Variants in DCHS1 observed in about 807,000 individuals in gnomAD.
DCHS1 encodes protocadherin-16.
DCHS1 carries 78 observed loss-of-function variants against 213.9 expected under a neutral mutation model. The observed-to-expected ratio is 0.36, with a 90% CI of 0.30 to 0.44. The LOEUF (loss-of-function observed/expected upper bound fraction) is 0.44. Among genes scored for constraint, DCHS1 ranks in the 20% least tolerant of loss-of-function variants. The pLI is 1.00. For synonymous variants in DCHS1, 1,828 were observed against 1,873.7 expected (o/e 0.98, Z 0.63); for missense variants, 3,946 against 4,395.9 (o/e 0.90, Z 2.89).
At chr11:6,644,596 C>T (rs1856128916) in intron 1 of DCHS1, among the ~76,000 whole-genome samples, 1 of 152,238 alleles carries the variant, frequency 6.6e-6, no homozygotes, top group Non-Finnish European at 1.5e-5. Flanking sequence ...CTGCCCTCTG[C>T]ACTGGATTGG....
In DCHS1 at chr11:6,626,041, C is replaced by T. The variant is rs1362640177; in HGVS notation, c.6610G>A (p.Gly2204Arg). ...GCAGCCAGACTGTAGGAAATCTGTCCTCCAGAGCCTTGATCCAGGTCATCC... is the reference window on the plus strand; with the variant it reads ...GCAGCCAGACTGTAGGAAATCTGTCTTCCAGAGCCTTGATCCAGGTCATCC... The part of the protein sequence containing the change: ...EADDLDQGSG[G>R]QISYSLAASQ... Residue 2204 changes from glycine (G) to arginine (R), a missense_variant, in exon 17 of 21, where the codon GGA becomes AGA. Gly to Arg is a moderately radical substitution (Grantham distance 125). This residue lies in a region of DCHS1 where 3,384 missense variants were observed against 3,780.1 expected (regional missense o/e 0.90). Transcript: ENST00000299441. This position sits in a 1 kb window ranked among gnomAD's most constrained non-coding sequence, Gnocchi z 5.2. 6.2e-7 allele frequency: 1 copy of T among 1,611,786 alleles called. No homozygotes were observed. The highest frequency in any genetic ancestry group is 1.7e-5 in the Admixed American group (1 of 59,736).
rs540097996 is a variant in DCHS1, at chr11:6,650,641, G to C, written c.-121+4922C>G. Among the ~76,000 whole-genome samples, 39 of 152,310 alleles carry C rather than the reference G, an allele frequency of 2.6e-4. 1 individual carries two copies. The highest frequency in any genetic ancestry group is 9.4e-4 in the African/African-American group (39 of 41,558). On this transcript the variant is annotated intron_variant, in intron 1 of 20. Coordinates refer to ENST00000299441, the MANE Select transcript of DCHS1 (RefSeq NM_003737.4). ...AGGAGTTGGAGGGCTCAGGGTGGGT[G>C]AGTCCGTGGGCTAAGAGGGCATTAA...
Position 6,626,928 on chromosome 11 carries a change from G to A in DCHS1, c.6111C>T (p.Phe2037=). 6.2e-7 allele frequency: 1 copy of A among 1,613,730 alleles called. No individual in the cohort carries two copies. The part of the protein sequence containing the change: ...VALGPRDRVL[F]IVATDLGRPA... Reference sequence around the variant, plus strand: ...GACGGCCAAGATCAGTGGCCACAATGAAGAGGACACGATCTCGGGGGCCTA... The same window carrying A: ...GACGGCCAAGATCAGTGGCCACAATAAAGAGGACACGATCTCGGGGGCCTA... The change falls in exon 14 of 21, where the codon TTC becomes TTT. Residue 2037 remains phenylalanine, a synonymous_variant. Transcript: ENST00000299441. This position sits in a 1 kb window ranked among gnomAD's most constrained non-coding sequence, Gnocchi z 5.2.
In DCHS1 at chr11:6,634,005, T is replaced by C. The variant is rs776678365; in HGVS notation, c.2002A>G (p.Met668Val). ...GACAGAAACACCTTCACATATACCA[T>C]GGACTTGAGGCCTCCCTGGTGGGAC... The part of the protein sequence containing the change: ...TAVDGGGLKS[M>V]VYVKVFLSDE... Residue 668 changes from methionine (M) to valine (V), a missense_variant, in exon 4 of 21, where the codon ATG becomes GTG. Physicochemically the swap from Met to Val is conservative, Grantham distance 21. Transcript: ENST00000299441. 3.7e-5 allele frequency: 60 copies of C among 1,613,810 alleles called. No homozygotes were observed. The highest frequency in any genetic ancestry group is 4.7e-5 in the Non-Finnish European group (56 of 1,179,844).
Position 6,630,658 on chromosome 11 carries a change from A to C in DCHS1, c.4136T>G (p.Phe1379Cys), listed in dbSNP as rs1432765793. Residue 1379 changes from phenylalanine to cysteine, a missense_variant, in exon 10 of 21, where the codon TTC becomes TGC. By Grantham distance (205) the Phe-to-Cys change is radical. Around this residue, in one of 3 missense-constraint regions of DCHS1, gnomAD observed 3,384 missense variants for 3,780.1 expected, o/e 0.90. Coordinates refer to ENST00000299441, the MANE Select transcript of DCHS1 (RefSeq NM_003737.4). The stretch of plus-strand genomic sequence containing the variant: ...GCGCCCTGAGGCCGCATCCAGCGCG[A>C]AGGTGCCCTCGGGATCGGCACCGCC... ...LVGGADPEGT[F>C]ALDAASGRLY... The C allele has an allele frequency of 2.4e-5, 37 of 1,537,422 alleles. No homozygotes were observed. The highest frequency in any genetic ancestry group is 3.1e-5 in the Non-Finnish European group (36 of 1,144,868).
In DCHS1 at chr11:6,624,347, G is replaced by T. The variant is rs139345379; in HGVS notation, c.7329C>A (p.Asp2443Glu). Residue 2443 changes from aspartate to glutamate, a missense_variant, in exon 21 of 21, where the codon GAC (aspartate) becomes GAA (glutamate). Asp to Glu is a conservative substitution (Grantham distance 45). Transcript: ENST00000299441. ...GCACCACATCCACTGCTCCTGACCC[G>T]TCATGGCCCAAGGCCACTGTTCCCA... ...TIVGTVALGHDGSGAVDVVLE... is the reference protein window; with the variant it reads ...TIVGTVALGHEGSGAVDVVLE... The T allele has an allele frequency of 1.1e-5, 18 of 1,578,848 alleles. No individual in the cohort carries two copies. Among genetic ancestry groups the T allele is most frequent in the Non-Finnish European group, 1.5e-5 (18 of 1,162,716 alleles).
At position 6,631,159 on chromosome 11, in the gene DCHS1, G is replaced by A. The variant is rs1471048137; in HGVS notation, c.3824C>T (p.Thr1275Ile). Residue 1275 changes from threonine (T) to isoleucine (I), a missense_variant, in exon 9 of 21, where the codon ACT (threonine) becomes ATT (isoleucine). This residue lies in a region of DCHS1 where 3,384 missense variants were observed against 3,780.1 expected (regional missense o/e 0.90). Transcript: ENST00000299441. The part of the protein sequence containing the change: ...SLHPHSGELL[T>I]AAPLIRAERP... ...CTCTGCTCGGATCAGGGGAGCTGCA[G>A]TGAGCAGCTCCCCTGAGTGAGGGTG... 2 of 1,612,278 alleles carry A rather than the reference G, an allele frequency of 1.2e-6. No individual in the cohort carries two copies. The highest frequency in any genetic ancestry group is 1.7e-6 in the Non-Finnish European group (2 of 1,178,754).
intron 10 of DCHS1, 32 bp from the exon 11 acceptor site, chr11:6,629,943 C>A: frequency 6.2e-7 from 1 of 1,604,910 alleles, no homozygotes; most frequent in Non-Finnish European, 8.5e-7. Flanking sequence ...TTGGTGGGGA[C>A]CCCAACACTC....
chr11:6,629,372 AG>A (rs1451361320), intron 12 of DCHS1, 79 bp downstream of exon 12: 2 of 1,534,988 alleles, frequency 1.3e-6, no homozygotes, highest in African/African-American at 2.8e-5. Flanking sequence ...TCTAAAAGGT[AG>A]TACTTTGGGT....
chr11:6,627,142 C>T lies in DCHS1; in HGVS notation c.5897G>A (p.Arg1966His), dbSNP rs765681020. 14 of 1,612,284 alleles carry T rather than the reference C, an allele frequency of 8.7e-6. No homozygotes were observed. Among genetic ancestry groups the T allele is most frequent in the East Asian group, 2.2e-5 (1 of 44,840 alleles). Reference sequence around the variant, plus strand: ...GGGGCCTGGGCGGGGCAGACGTAGGCGCAGAGGACTGGTGGGGAAGGTGGG... The same window carrying T: ...GGGGCCTGGGCGGGGCAGACGTAGGTGCAGAGGACTGGTGGGGAAGGTGGG... ...HAPTFPTSPL[R>H]LRLPRPGPSF... Residue 1966 changes from arginine to histidine, a missense_variant, in exon 14 of 21, where the codon CGC (arginine) becomes CAC (histidine). Transcript: ENST00000299441. This position sits in a 1 kb window ranked among gnomAD's most constrained non-coding sequence, Gnocchi z 5.4.
Position 6,622,944 on chromosome 11 carries a change from G to T in DCHS1, c.8732C>A (p.Ser2911Tyr). ...GGTCACAGGCACTGTGGCACTCCGG[G>T]AACCAGGCAGAGGCCCCCGTGCTAT... The part of the protein sequence containing the change: ...EVIARGPLPG[S>Y]RSATVPVTVD... The change falls in exon 21 of 21, where the codon TCC becomes TAC. Residue 2911 changes from serine (S) to tyrosine (Y), a missense_variant. Transcript: ENST00000299441. The surrounding 1 kb of genome is among the most constrained non-coding windows in gnomAD (Gnocchi z 5.4). The T allele has an allele frequency of 6.3e-7, 1 of 1,583,432 alleles. No homozygotes were observed. Among genetic ancestry groups the T allele is most frequent in the Non-Finnish European group, 8.6e-7 (1 of 1,165,096 alleles).
Position 6,626,282 on chromosome 11 carries a change from T to C in DCHS1, c.6463A>G (p.Thr2155Ala), listed in dbSNP as rs764847898. ...QAESGGAFAF[T>A]VLTLTLQDAN... ...TCTTGCAGGGTCAGGGTCAGCACAGTGAAGGCAAAGGCTCCTCCACTCTCT... is the reference window on the plus strand; with the variant it reads ...TCTTGCAGGGTCAGGGTCAGCACAGCGAAGGCAAAGGCTCCTCCACTCTCT... The change falls in exon 16 of 21, where the codon ACT (threonine) becomes GCT (alanine). Residue 2155 changes from threonine to alanine, a missense_variant. Transcript: ENST00000299441. The surrounding 1 kb of genome is among the most constrained non-coding windows in gnomAD (Gnocchi z 5.2). 3.1e-6 allele frequency: 5 copies of C among 1,613,226 alleles called. No homozygotes were observed. The East Asian group carries it at 1.1e-4, about 36-fold the overall frequency.
rs371390544 is a variant in DCHS1 at position 6,641,289 on chromosome 11, G to A, written c.325C>T (p.Arg109Cys). Residue 109 changes from arginine to cysteine, a missense_variant, in exon 2 of 21, where the codon CGT becomes TGT. Coordinates refer to ENST00000299441, the MANE Select transcript of DCHS1 (RefSeq NM_003737.4). This position sits in a 1 kb window ranked among gnomAD's most constrained non-coding sequence, Gnocchi z 7.1. ...GVVRTARVLD[R>C]EQRDRYRFTA... is the part of the protein sequence containing the mutation. ...AAGCGGTAGCGGTCCCGCTGCTCAC[G>A]GTCCAAGACACGGGCTGTACGGACG... 1.5e-4 allele frequency: 248 copies of A among 1,613,676 alleles called. No homozygotes were observed. The highest frequency in any genetic ancestry group is 2.3e-4 in the South Asian group (21 of 91,088).
At position 6,640,161 on chromosome 11, in the gene DCHS1, C is replaced by G. The variant is rs1186670834; in HGVS notation, c.1453G>C (p.Val485Leu). 4 of 1,613,792 alleles carry G rather than the reference C, an allele frequency of 2.5e-6. No individual in the cohort carries two copies. The Admixed American group carries it at 6.7e-5, about 27-fold the overall frequency. ...QLYRPEPLPE[V>L]ALPGSFVVRV... is the part of the protein sequence containing the mutation. ...ACTACAAAGCTGCCAGGCAGCGCAA[C>G]CTCAGGCAGGGGCTCAGGTCGGTAG... The change falls in exon 2 of 21, where the codon GTT (valine) becomes CTT (leucine). Residue 485 changes from valine to leucine, a missense_variant. Around this residue, in one of 3 missense-constraint regions of DCHS1, gnomAD observed 3,384 missense variants for 3,780.1 expected, o/e 0.90. Transcript: ENST00000299441. The surrounding 1 kb of genome is among the most constrained non-coding windows in gnomAD (Gnocchi z 6.5).
Position 6,640,756 on chromosome 11 carries a change from GACACCAGCATCGGCATCAGATGCGA to G in DCHS1, c.833_857del (p.Phe278SerfsTer5). On this transcript the variant is annotated frameshift_variant, in exon 2 of 21. Coordinates refer to ENST00000299441, the MANE Select transcript of DCHS1 (RefSeq NM_003737.4). LOFTEE classifies it high-confidence loss of function. This position sits in a 1 kb window ranked among gnomAD's most constrained non-coding sequence, Gnocchi z 6.5. ...TGATCTCGTAAGTCACAGCCCCATT[GACACCAGCATCGGCATCAGATGCGA>G]ACACCTGCAAGACAGGACTGCCAGG... 1 of 1,614,006 alleles carries G rather than the reference GACACCAGCATCGGCATCAGATGCGA, an allele frequency of 6.2e-7. No homozygotes were observed. Among genetic ancestry groups the G allele is most frequent in the Non-Finnish European group, 8.5e-7 (1 of 1,179,894 alleles).
intron 1 of DCHS1, among the ~76,000 whole-genome samples, chr11:6,649,930 A>G (rs80136470): frequency 0.01 from 1,548 of 152,332 alleles, 23 homozygotes; most frequent in African/African-American, 0.035. Context: ...TGGTAGAAGT[A>G]AAATTAACTA....
chr11:6,627,429 T>A lies in DCHS1; in HGVS notation c.5610A>T (p.Ala1870=), dbSNP rs1233336438. The A allele has an allele frequency of 6.2e-7, 1 of 1,610,624 alleles. No individual in the cohort carries two copies. The highest frequency in any genetic ancestry group is 1.7e-5 in the Admixed American group (1 of 59,566). Residue 1870 remains alanine (A), a synonymous_variant, in exon 14 of 21, where the codon GCA becomes GCT. Coordinates refer to ENST00000299441, the MANE Select transcript of DCHS1 (RefSeq NM_003737.4). This position sits in a 1 kb window ranked among gnomAD's most constrained non-coding sequence, Gnocchi z 5.4. ...CCTGTAGCTGCAGCAGCAGGGTCCCTGCAGGCACATCCTCCGGCACCTCCA... is the reference window on the plus strand; with the variant it reads ...CCTGTAGCTGCAGCAGCAGGGTCCCAGCAGGCACATCCTCCGGCACCTCCA... ...YSVEVPEDVP[A]GTLLLQLQAH... is the part of the protein sequence containing the mutation.
rs1453133962 is a variant in DCHS1 at position 6,632,390 on chromosome 11, G to T, written c.3122C>A (p.Ala1041Glu). Residue 1041 changes from alanine to glutamate, a missense_variant, in exon 6 of 21, where the codon GCA becomes GAA. Coordinates refer to ENST00000299441, the MANE Select transcript of DCHS1 (RefSeq NM_003737.4). This position sits in a 1 kb window ranked among gnomAD's most constrained non-coding sequence, Gnocchi z 5.9. Reference protein sequence around the residue: ...PITYHLAAEGASSPFGLEPQS... With the variant: ...PITYHLAAEGESSPFGLEPQS... ...TGGCTCCAGGCCAAAGGGGCTACTT[G>T]CTCCCTCTGCTGCAAGGTGATAGGT... 1.2e-6 allele frequency: 2 copies of T among 1,613,722 alleles called. No individual in the cohort carries two copies. Among genetic ancestry groups the T allele is most frequent in the Non-Finnish European group, 1.7e-6 (2 of 1,179,794 alleles).
rs369236555 is a variant in DCHS1, at chr11:6,640,329, G to A, written c.1285C>T (p.Arg429Trp). The A allele has an allele frequency of 9.3e-6, 15 of 1,609,920 alleles. No individual in the cohort carries two copies. Among genetic ancestry groups the A allele is most frequent in the East Asian group, 4.5e-5 (2 of 44,700 alleles). Residue 429 changes from arginine to tryptophan, a missense_variant, in exon 2 of 21, where the codon CGG (arginine) becomes TGG (tryptophan). Around this residue, in one of 3 missense-constraint regions of DCHS1, gnomAD observed 3,384 missense variants for 3,780.1 expected, o/e 0.90. Transcript: ENST00000299441. The surrounding 1 kb of genome is among the most constrained non-coding windows in gnomAD (Gnocchi z 6.5). ...SVIYLVCVAR[R>W]LDREERDAYN... ...GCATCCCTCTCCTCTCGATCCAGCCGCCGAGCCACACACACCAGATAGATG... is the reference window on the plus strand; with the variant it reads ...GCATCCCTCTCCTCTCGATCCAGCCACCGAGCCACACACACCAGATAGATG...
Sources: gnomAD v4.1 joint callset for allele counts (sites outside exome capture counted in the v4.1 genomes callset) on GRCh38, gnomAD v4.1.1 for gene constraint, gnomAD v4.1.1 regional missense constraint, Gnocchi (gnomAD v3.1) non-coding constraint, MANE v1.5 for transcripts, NCBI Gene and HGNC (gene_info 2026-07-23, HGNC 2026-07-21) for gene names.